COL25A1: variants seen among roughly 807,000 people sequenced by gnomAD.
COL25A1 encodes collagen alpha-1(XXV) chain.
A neutral mutation model predicts 128.4 loss-of-function variants in COL25A1; 103 were observed. That is an observed-to-expected ratio of 0.80 (90% confidence interval 0.68 to 0.94). The LOEUF (loss-of-function observed/expected upper bound fraction) is 0.94, where lower values mean the gene tolerates loss of function less well. Among genes scored for constraint, COL25A1 ranks in the 40% least tolerant of loss-of-function variants. COL25A1 has a pLI of 0.00. For synonymous variants in COL25A1, 279 were observed against 277.2 expected (o/e 1.01, Z -0.06); for missense variants, 745 against 840.0 (o/e 0.89, Z 1.40).
chr4:109,229,025 T>C (rs550015997), intron 3 of COL25A1, among the ~76,000 whole-genome samples: 11 of 152,290 alleles, frequency 7.2e-5, no homozygotes, highest in African/African-American at 1.2e-4. Flanking sequence ...TCTAGAGAAG[T>C]AGCAAAATTT....
At chr4:109,076,597 A>T (rs1763397370) in intron 3 of COL25A1, among the ~76,000 whole-genome samples, 1 of 152,134 alleles carries the variant, frequency 6.6e-6, no homozygotes, top group Non-Finnish European at 1.5e-5. Flanking sequence ...CCATGGACCC[A>T]GTGGCCAGGG....
chr4:108,864,593 C>A (rs1737657984), intron 20 of COL25A1, among the ~76,000 whole-genome samples: 3 of 152,114 alleles, frequency 2.0e-5, no homozygotes, highest in Admixed American at 2.0e-4. Context: ...CAGACAAGAG[C>A]TGCAGAACCA....
intron 24 of COL25A1, among the ~76,000 whole-genome samples, chr4:108,857,145 GA>G (rs1018816099): frequency 1.4e-4 from 22 of 152,088 alleles, no homozygotes; most frequent in African/African-American, 5.3e-4. Flanking sequence ...TGGAGGATAA[GA>G]AAGTAGATAC....
At chr4:109,239,173 T>C (rs2126228927) in intron 3 of COL25A1, among the ~76,000 whole-genome samples, 1 of 151,918 alleles carries the variant, frequency 6.6e-6, no homozygotes, top group East Asian at 1.9e-4. Context: ...GAGAACTGCA[T>C]CATTAGGCAA....
intron 3 of COL25A1, among the ~76,000 whole-genome samples, chr4:109,274,797 G>A (rs755985069): frequency 2.0e-5 from 3 of 152,106 alleles, no homozygotes; most frequent in Admixed American, 1.3e-4. Context: ...AGCCTGGTAC[G>A]AAACATATGT....
chr4:109,076,187 A>G (rs1282882745), intron 3 of COL25A1, among the ~76,000 whole-genome samples: 1 of 152,186 alleles, frequency 6.6e-6, no homozygotes, highest in African/African-American at 2.4e-5. Context: ...GAGGTCCTGG[A>G]ACCTGTTTCC....
chr4:108,839,501 C>T (rs1034921879), intron 31 of COL25A1, among the ~76,000 whole-genome samples: 1 of 152,162 alleles, frequency 6.6e-6, no homozygotes, highest in Non-Finnish European at 1.5e-5. Context: ...GCTCAGTAGT[C>T]AGTGACTAAT....
chr4:108,856,078 C>T (rs926712487), intron 24 of COL25A1, among the ~76,000 whole-genome samples: 1 of 152,136 alleles, frequency 6.6e-6, no homozygotes, highest in Non-Finnish European at 1.5e-5. Flanking sequence ...CAGCAGCCTG[C>T]TTTGTGATTT....
At chr4:109,233,222 T>A (rs1779264799) in intron 3 of COL25A1, among the ~76,000 whole-genome samples, 1 of 152,136 alleles carries the variant, frequency 6.6e-6, no homozygotes, top group African/African-American at 2.4e-5. Flanking sequence ...AGGAATGTAC[T>A]GCCTAATGAA....
intron 3 of COL25A1, among the ~76,000 whole-genome samples, chr4:109,141,872 C>A (rs1320368872): frequency 1.3e-5 from 2 of 152,056 alleles, no homozygotes; most frequent in Non-Finnish European, 2.9e-5. Flanking sequence ...CTTTTCAAAA[C>A]ACCAGTTCCT....
intron 3 of COL25A1, among the ~76,000 whole-genome samples, chr4:109,165,427 A>G (rs1161925003): frequency 5.9e-5 from 9 of 152,226 alleles, no homozygotes; most frequent in Non-Finnish European, 1.3e-4. Context: ...TTTAAAAAAT[A>G]ATGAAGGGCC....
intron 11 of COL25A1, among the ~76,000 whole-genome samples, chr4:108,934,499 AAG>A (rs1200020455): frequency 6.6e-6 from 1 of 152,088 alleles, no homozygotes; most frequent in Non-Finnish European, 1.5e-5. Flanking sequence ...ATAATAATAA[AAG>A]AGAAAAAAAG....
At chr4:109,116,431 G>GA (rs906080188) in intron 3 of COL25A1, among the ~76,000 whole-genome samples, 7 of 152,020 alleles carry the variant, frequency 4.6e-5, no homozygotes, top group African/African-American at 1.7e-4. Context: ...CTACTTAAGG[G>GA]AAAGGGGAAA....
chr4:109,087,922 T>C (rs1579324372), intron 3 of COL25A1, among the ~76,000 whole-genome samples: 1 of 151,978 alleles, frequency 6.6e-6, no homozygotes, highest in East Asian at 1.9e-4. Context: ...CATTATATTT[T>C]AGAAACAACA....
At chr4:109,296,800 G>T (rs868696471) in intron 3 of COL25A1, among the ~76,000 whole-genome samples, 13 of 151,798 alleles carry the variant, frequency 8.6e-5, no homozygotes, top group African/African-American at 2.7e-4. Flanking sequence ...CACTACTGAT[G>T]AGTAAGATAC....
At chr4:108,817,524 T>C (rs1731356482) in intron 36 of COL25A1, 89 bp from the exon 37 acceptor site, 2 of 1,241,750 alleles carry the variant, frequency 1.6e-6, no homozygotes, top group Non-Finnish European at 2.3e-6. Flanking sequence ...TAAAAATAAA[T>C]TTCTACCCAT....
rs202002818 is a variant in COL25A1 at position 108,817,477 on chromosome 4, G to C, written c.1924-42C>G. 11 of 1,587,470 alleles carry C rather than the reference G, an allele frequency of 6.9e-6. No homozygotes were observed. In the East Asian group the frequency reaches 2.2e-4, roughly 32 times the overall value. ...AAAAAGAATTCCTCAGGTTCCATAA[G>C]AGTGATTAAACTTCATAATTCACAT... is the stretch of plus-strand genomic sequence containing the variant. On this transcript the variant is annotated intron_variant, in intron 36 of 37. Coordinates refer to ENST00000399132, the MANE Select transcript of COL25A1 (RefSeq NM_198721.4).
At chr4:108,863,539 T>G (rs1737522233) in intron 20 of COL25A1, 152 bp from the exon 21 acceptor site, 1 of 591,566 alleles carries the variant, frequency 1.7e-6, no homozygotes, top group Admixed American at 4.0e-5. Context: ...TTAACATGAA[T>G]TATCTCATTT....
At chr4:108,878,097 C>T (rs747389918) in intron 19 of COL25A1, among the ~76,000 whole-genome samples, 2 of 151,930 alleles carry the variant, frequency 1.3e-5, no homozygotes, top group African/African-American at 4.8e-5. Flanking sequence ...CAGAATTTAC[C>T]GTCTGCTAAA....
Sources: allele counts gnomAD v4.1 joint callset (sites outside exome capture counted in the v4.1 genomes callset), GRCh38; gene constraint gnomAD v4.1.1; transcripts MANE v1.5; gene names NCBI Gene and HGNC (gene_info 2026-07-23, HGNC 2026-07-21).